Variants in CHD7 observed in about 807,000 individuals in gnomAD.
CHD7 encodes the protein ATP-dependent chromatin remodeler CHD7.
Under a neutral mutation model 307.3 loss-of-function variants are expected in CHD7, and 24 were observed. The observed-to-expected ratio is 0.08, with a 90% CI of 0.06 to 0.11. The LOEUF is 0.11. Ranked by LOEUF, CHD7 falls within the 10% of genes least tolerant of loss-of-function variation. The pLI, the probability that CHD7 is intolerant of heterozygous loss-of-function variation, is 1.00. For synonymous variants in CHD7, 1,363 were observed against 1,349.9 expected, an observed-to-expected ratio of 1.01 and a Z score of -0.21; for missense variants, 3,106 against 3,727.1, an observed-to-expected ratio of 0.83 and a Z score of 4.34.
intron 2 of CHD7, among the ~76,000 whole-genome samples, chr8:60,757,210 A>G (rs1385315193): frequency 6.6e-6 from 1 of 152,192 alleles, no homozygotes; most frequent in Non-Finnish European, 1.5e-5. Flanking sequence ...GGTGTCCAGT[A>G]TGGTAGCCTG....
chr8:60,751,468 CT>C (rs562547544), intron 2 of CHD7, among the ~76,000 whole-genome samples: 8 of 152,178 alleles, frequency 5.3e-5, no homozygotes, highest in Non-Finnish European at 8.8e-5. Flanking sequence ...GAGAACTAAT[CT>C]GGAGAATTTA....
At chr8:60,713,067 A>AG (rs1274757332) in intron 1 of CHD7, among the ~76,000 whole-genome samples, 23 of 150,392 alleles carry the variant, frequency 1.5e-4, no homozygotes, top group Admixed American at 6.6e-4. Context: ...AAAAAAAAAA[A>AG]GAATTCTTTC....
chr8:60,845,192 A>G (rs1586432047), intron 22 of CHD7, 58 bp from the exon 23 acceptor site: 1 of 1,579,398 alleles, frequency 6.3e-7, no homozygotes, highest in East Asian at 2.2e-5. Context: ...GCTCTCTGCC[A>G]TTGACACTAT....
Position 60,865,529 on chromosome 8 carries a change from G to C in CHD7, c.8590G>C (p.Val2864Leu), listed in dbSNP as rs367756884. 6 of 1,614,082 alleles carry C rather than the reference G, an allele frequency of 3.7e-6. No individual in the cohort carries two copies. The highest frequency in any genetic ancestry group is 1.7e-5 in the Admixed American group (1 of 60,032). The change falls in exon 38 of 38, where the codon GTT (valine) becomes CTT (leucine). Residue 2864 changes from valine (V) to leucine (L), a missense_variant. By Grantham distance (32) the Val-to-Leu change is conservative. This residue lies in a region of CHD7 where 351 missense variants were observed against 366.2 expected (regional missense o/e 0.96). Transcript: ENST00000423902. This position sits in a 1 kb window ranked among gnomAD's most constrained non-coding sequence, Gnocchi z 4.3. ...AGACTCTGAGAAAAGCACAGATGCTGTTTCGGCTGCTGACTCTGCGAATGG... is the reference window on the plus strand; with the variant it reads ...AGACTCTGAGAAAAGCACAGATGCTCTTTCGGCTGCTGACTCTGCGAATGG... Reference protein sequence around the residue: ...NKDSEKSTDAVSAADSANGSV... With the variant: ...NKDSEKSTDALSAADSANGSV...
At chr8:60,744,590 T>C (rs535059369) in intron 2 of CHD7, among the ~76,000 whole-genome samples, 18 of 149,366 alleles carry the variant, frequency 1.2e-4, no homozygotes, top group African/African-American at 4.0e-4. Flanking sequence ...CAATGGCTCA[T>C]GCCTGCAATC....
chr8:60,730,086 A>G (rs1303958231), intron 1 of CHD7, among the ~76,000 whole-genome samples: 6 of 152,256 alleles, frequency 3.9e-5, no homozygotes, highest in Admixed American at 3.9e-4. Flanking sequence ...AAAAAAAGTA[A>G]TAAAAGAATT....
At chr8:60,772,236 T>TC (rs1044354974) in intron 2 of CHD7, among the ~76,000 whole-genome samples, 70 of 152,344 alleles carry the variant, frequency 4.6e-4, no homozygotes, top group Middle Eastern at 6.8e-3. Flanking sequence ...TGATTTTTTT[T>TC]CCCTTCAAAA....
chr8:60,775,311 G>C (rs1416020372), intron 2 of CHD7, among the ~76,000 whole-genome samples: 1 of 47,086 alleles, frequency 2.1e-5, no homozygotes, highest in Non-Finnish European at 1.0e-4. Context: ...TGACATATAG[G>C]AATATGTAAC....
At chr8:60,856,909 G>T (rs766961822) in intron 34 of CHD7, 21 bp downstream of exon 34, 14 of 1,524,312 alleles carry the variant, frequency 9.2e-6, no homozygotes, top group Middle Eastern at 4.0e-4. Flanking sequence ...GAGCTTGCCT[G>T]CATGGCGATT....
intron 2 of CHD7, among the ~76,000 whole-genome samples, chr8:60,767,035 T>C (rs961961038): frequency 6.6e-6 from 1 of 151,992 alleles, no homozygotes; most frequent in African/African-American, 2.4e-5. Flanking sequence ...GCCTGGAAGA[T>C]AGGAGGAGAG....
chr8:60,684,217 C>T (rs1187727901), intron 1 of CHD7, among the ~76,000 whole-genome samples: 1 of 152,180 alleles, frequency 6.6e-6, no homozygotes, highest in African/African-American at 2.4e-5. Context: ...GGCTTGTTTA[C>T]CTATGCTAAT....
chr8:60,851,196 CT>C, intron 27 of CHD7, 65 bp from the exon 28 acceptor site: 1 of 1,507,182 alleles, frequency 6.6e-7, no homozygotes, highest in Non-Finnish European at 9.0e-7. Context: ...ATGACCTTTT[CT>C]TTAAAAGACA....
chr8:60,816,147 CTCTCTCTG>C (rs1206518848), intron 7 of CHD7, among the ~76,000 whole-genome samples: 2 of 151,040 alleles, frequency 1.3e-5, no homozygotes, highest in East Asian at 3.9e-4. Flanking sequence ...CTCTCTCTCT[CTCTCTCTG>C]TAACAGGTAA....
In CHD7 at chr8:60,741,845, T is replaced by C; in HGVS notation, c.413T>C (p.Phe138Ser). 6.2e-7 allele frequency: 1 copy of C among 1,613,910 alleles called. No individual in the cohort carries two copies. The highest frequency in any genetic ancestry group is 8.5e-7 in the Non-Finnish European group (1 of 1,179,860). The change falls in exon 2 of 38, where the codon TTT (phenylalanine) becomes TCT (serine). Residue 138 changes from phenylalanine (F) to serine (S), a missense_variant. Phe to Ser is a radical substitution (Grantham distance 155). Coordinates refer to ENST00000423902, the MANE Select transcript of CHD7 (RefSeq NM_017780.4). ...CAGAATGAGAGGCATGGGCAATCCT[T>C]TGTGGACAGCAGCTCCATGTGGGGC... is the stretch of plus-strand genomic sequence containing the variant. ...GMQNERHGQS[F>S]VDSSSMWGPR...
chr8:60,780,823 TAAAC>T (rs1165213732), intron 2 of CHD7, among the ~76,000 whole-genome samples, 173 bp from the exon 3 acceptor site: 1 of 152,234 alleles, frequency 6.6e-6, no homozygotes, highest in East Asian at 1.9e-4. Context: ...GATTCTCTCT[TAAAC>T]ATACATTTTT....
chr8:60,728,595 G>A (rs998521186), intron 1 of CHD7, among the ~76,000 whole-genome samples: 3 of 152,078 alleles, frequency 2.0e-5, no homozygotes, highest in Non-Finnish European at 2.9e-5. Context: ...GCGCGATCTC[G>A]GCTCACTGCA....
intron 3 of CHD7, among the ~76,000 whole-genome samples, chr8:60,791,570 T>G (rs1257495878): frequency 6.6e-6 from 1 of 152,238 alleles, no homozygotes; most frequent in African/African-American, 2.4e-5. Flanking sequence ...TGTCTGTGTT[T>G]TGAGTTTGAC....
intron 1 of CHD7, among the ~76,000 whole-genome samples, chr8:60,714,357 C>A (rs1345120132): frequency 6.8e-6 from 1 of 146,286 alleles, no homozygotes; most frequent in African/African-American, 2.5e-5. Context: ...CACTTCCTGA[C>A]CGGAAGGCCG....
intron 37 of CHD7, chr8:60,864,726 C>A: frequency 5.4e-6 from 2 of 372,166 alleles, no homozygotes; most frequent in Non-Finnish European, 9.9e-6. Context: ...ATTTTTGTAC[C>A]CCATAATGTA....
Sources: gnomAD v4.1 joint callset for allele counts (sites outside exome capture counted in the v4.1 genomes callset) on GRCh38, gnomAD v4.1.1 for gene constraint, gnomAD v4.1.1 regional missense constraint, Gnocchi (gnomAD v3.1) non-coding constraint, MANE v1.5 for transcripts, NCBI Gene and HGNC (gene_info 2026-07-23, HGNC 2026-07-21) for gene names.